C2: variants seen among roughly 807,000 people sequenced by gnomAD.
C2 encodes the protein C3/C5 convertase.
Under a neutral mutation model 85.2 loss-of-function variants are expected in C2, and 64 were observed. The observed-to-expected ratio is 0.75, with a 90% confidence interval of 0.61 to 0.92. The LOEUF is 0.92. Ranked by LOEUF, C2 falls within the 40% of genes least tolerant of loss-of-function variation. The pLI, the probability that C2 is intolerant of heterozygous loss-of-function variation, is 0.00. For missense variants in C2, 820 were observed against 971.6 expected (o/e 0.84, Z 2.07); for synonymous variants, 311 against 370.8 (o/e 0.84, Z 1.85).
chr6:31,940,244 C>CT (rs146471182), intron 9 of C2, among the ~76,000 whole-genome samples: 191 of 152,332 alleles, frequency 1.3e-3, no homozygotes, highest in Middle Eastern at 6.8e-3. Context: ...CAGACAAACA[C>CT]TGCCTGCCTG....
At position 31,934,148 on chromosome 6, in the gene C2, C is replaced by G. The variant is rs779726747; in HGVS notation, c.716-18C>G. On this transcript the variant is annotated intron_variant, in intron 5 of 17. Coordinates refer to ENST00000299367, the MANE Select transcript of C2 (RefSeq NM_000063.6). The stretch of plus-strand genomic sequence containing the variant: ...AAGGAGGTGGGGATCTGAATCCTCC[C>G]CTTCCACATTTCTCCAGAAAGCCTG... 24 of 1,613,982 alleles carry G rather than the reference C, an allele frequency of 1.5e-5. No homozygotes were observed. Among genetic ancestry groups the G allele is most frequent in the Non-Finnish European group, 1.9e-5 (22 of 1,179,966 alleles).
upstream of C2, among the ~76,000 whole-genome samples, chr6:31,919,288 G>A (rs1054056922): frequency 1.3e-5 from 2 of 151,954 alleles, no homozygotes; most frequent in Admixed American, 6.6e-5. Context: ...GGGGTGACAA[G>A]TGCCTGCCAA....
At chr6:31,898,643 CTTTTT>C (rs75322477), upstream of C2, among the ~76,000 whole-genome samples, 1 of 135,678 alleles carries the variant, frequency 7.4e-6, no homozygotes, top group Non-Finnish European at 1.6e-5. Context: ...CCAAACTTAG[CTTTTT>C]TTTTTTTTTT....
chr6:31,927,702 C>A, upstream of C2: 1 of 1,612,864 alleles, frequency 6.2e-7, no homozygotes, highest in Admixed American at 1.7e-5. The surrounding 1 kb of genome is among the most constrained non-coding windows in gnomAD (Gnocchi z 4.7). Flanking sequence ...AGTCAGATGA[C>A]CTTTTCCCTC....
At chr6:31,942,376 T>C (rs1403940268) in intron 9 of C2, among the ~76,000 whole-genome samples, 2 of 150,800 alleles carry the variant, frequency 1.3e-5, no homozygotes, top group Non-Finnish European at 2.9e-5. Context: ...ATACTGGGGA[T>C]TAGGACTCGA....
intron 1 of C2, among the ~76,000 whole-genome samples, chr6:31,911,973 G>A (rs1003311820): frequency 2.3e-5 from 3 of 130,620 alleles, no homozygotes; most frequent in Admixed American, 1.9e-4. Flanking sequence ...GGGTCACTAC[G>A]TTGCCAAGGC....
At position 31,945,157 on chromosome 6, in the gene C2, C is replaced by T. The variant is rs1280289705; in HGVS notation, c.2080-21C>T. 1 of 1,612,730 alleles carries T rather than the reference C, an allele frequency of 6.2e-7. No homozygotes were observed. Among genetic ancestry groups the T allele is most frequent in the African/African-American group, 1.3e-5 (1 of 74,988 alleles). On this transcript the variant is annotated intron_variant, in intron 17 of 17. Transcript: ENST00000299367. This position sits in a 1 kb window ranked among gnomAD's most constrained non-coding sequence, Gnocchi z 5.3. ...GTTGGGGCTGTGGCAGCCTCCCAGC[C>T]AGTTCTCTCCTTTTCTCCAGGTGGG...
In C2 at chr6:31,944,869, T is replaced by C; in HGVS notation, c.2029+16T>C. ...CCCTGCAAGGGTGAGTCCCTCACCA[T>C]GCCTGGATTCCCAAGGGGAAGGCCA... On this transcript the variant is annotated intron_variant, in intron 16 of 17. Transcript: ENST00000299367. The surrounding 1 kb of genome is among the most constrained non-coding windows in gnomAD (Gnocchi z 5.1). The C allele has an allele frequency of 1.9e-6, 3 of 1,613,084 alleles. No individual in the cohort carries two copies. The highest frequency in any genetic ancestry group is 2.5e-6 in the Non-Finnish European group (3 of 1,180,034).
At chr6:31,918,598 TA>T (rs765585551), upstream of C2, among the ~76,000 whole-genome samples, 1,206 of 129,646 alleles carry the variant, frequency 9.3e-3, no homozygotes, top group Middle Eastern at 0.017. Context: ...GTCTTTAACT[TA>T]AAAAAAAAAA....
chr6:31,941,552 A>G (rs1770877830), intron 9 of C2: 1 of 152,276 alleles, frequency 6.6e-6, no homozygotes, highest in African/African-American at 2.4e-5. Context: ...CCCAGGCTGC[A>G]GTGCAGTGGC....
rs1034766554 is a variant in C2 at position 31,921,462 on chromosome 6, G to C, written c.-100+1436G>C. 6.6e-6 allele frequency among the ~76,000 whole-genome samples: 1 copy of C among 152,076 alleles called. No homozygotes were observed. The highest frequency in any genetic ancestry group is 2.1e-4 in the South Asian group (1 of 4,822). ...GGTGCCAAGAGGAAAGAGCCTAGGG[G>C]AGAGAGGGCTTGGAAATGCAAGGGG... On this transcript the variant is annotated intron_variant, in intron 1 of 3. Transcript: ENST00000413154. The surrounding 1 kb of genome is among the most constrained non-coding windows in gnomAD (Gnocchi z 4.6).
At position 31,927,842 on chromosome 6, in the gene C2, G is replaced by T. The variant is rs9332704; in HGVS notation, c.46+44G>T. On this transcript the variant is annotated intron_variant, in intron 1 of 17. Coordinates refer to ENST00000299367, the MANE Select transcript of C2 (RefSeq NM_000063.6). This position sits in a 1 kb window ranked among gnomAD's most constrained non-coding sequence, Gnocchi z 4.7. ...GGAACGTCAGGGTCCTGTGTGTGAGGTTGGTGCTCCCAGCTTGAATTCCCA... is the reference window on the plus strand; with the variant it reads ...GGAACGTCAGGGTCCTGTGTGTGAGTTTGGTGCTCCCAGCTTGAATTCCCA... 0.013 allele frequency: 21,615 copies of T among 1,602,670 alleles called. 305 individuals carry two copies. The highest frequency in any genetic ancestry group is 0.11 in the Middle Eastern group (671 of 6,034).
rs1485981076 is a variant in C2 at position 31,910,383 on chromosome 6, G to T, written c.73+9244G>T. Among the ~76,000 whole-genome samples, 24 of 149,772 alleles carry T rather than the reference G, an allele frequency of 1.6e-4. 1 individual carries two copies. In the East Asian group the frequency reaches 4.8e-3, roughly 30 times the overall value. On this transcript the variant is annotated intron_variant, in intron 1 of 3. Coordinates refer to the C2 transcript ENST00000452202. ...AGGTCTCACTCTGTTGCCCAGGCTG[G>T]AATGCACAATCATGACTCACTGCAG...
intron 7 of C2, chr6:31,936,511 CTTTT>C (rs548102461): frequency 4.4e-5 from 8 of 179,798 alleles, no homozygotes; most frequent in South Asian, 3.1e-4. Context: ...TTTTCTTCTT[CTTTT>C]TTTTTTTTTT....
intron 8 of C2, among the ~76,000 whole-genome samples, chr6:31,938,438 G>A (rs1204529801): frequency 1.4e-5 from 2 of 143,486 alleles, no homozygotes; most frequent in African/African-American, 2.7e-5. Context: ...GTAAAAGTGT[G>A]TATATATATA....
intron 7 of C2, 200 bp from the exon 8 acceptor site, chr6:31,937,119 G>C (rs984334693): frequency 2.4e-5 from 14 of 581,196 alleles, no homozygotes; most frequent in Non-Finnish European, 4.0e-5. Flanking sequence ...TGAGGCATGA[G>C]AATCACTTGA....
chr6:31,929,326 A>G (rs2151743000), intron 3 of C2, among the ~76,000 whole-genome samples: 1 of 152,212 alleles, frequency 6.6e-6, no homozygotes, highest in East Asian at 1.9e-4. Flanking sequence ...TGGGAAGGCT[A>G]TTTAACCTTT....
upstream of C2, among the ~76,000 whole-genome samples, chr6:31,916,050 TAC>T (rs1359374823): frequency 5.3e-5 from 8 of 152,328 alleles, no homozygotes; most frequent in Admixed American, 2.0e-4. Context: ...GTGTTAATGT[TAC>T]AGTCTGGGTT....
chr6:31,926,220 G>T (rs1397206733), upstream of C2, among the ~76,000 whole-genome samples: 1 of 152,160 alleles, frequency 6.6e-6, no homozygotes, highest in African/African-American at 2.4e-5. Context: ...ATACTTGAGG[G>T]GCAGGGGAGG....
Sources: allele counts gnomAD v4.1 joint callset (sites outside exome capture counted in the v4.1 genomes callset), GRCh38; gene constraint gnomAD v4.1.1; non-coding constraint Gnocchi (gnomAD v3.1); transcripts MANE v1.5; gene names NCBI Gene and HGNC (gene_info 2026-07-23, HGNC 2026-07-21).